The following LAMC1 variants were observed in gnomAD, a reference collection of about 807,000 sequenced individuals.
LAMC1 encodes the protein laminin subunit gamma 1.
A neutral mutation model predicts 173.6 loss-of-function variants in LAMC1; 38 were observed. The observed-to-expected ratio is 0.22, with a 90% CI of 0.17 to 0.29. The LOEUF (loss-of-function observed/expected upper bound fraction) is 0.29. LAMC1 is among the 10% of genes least tolerant of loss of function. The pLI, the probability that LAMC1 is intolerant of heterozygous loss-of-function variation, is 1.00. For synonymous variants in LAMC1, 746 were observed against 749.1 expected, an observed-to-expected ratio of 1.00 and a Z score of 0.07; for missense variants, 1,824 against 2,051.8, an observed-to-expected ratio of 0.89 and a Z score of 2.14.
At chr1:183,024,215 T>C in intron 1 of LAMC1, 81 bp downstream of exon 1, 4 of 1,389,188 alleles carry the variant, frequency 2.9e-6, no homozygotes, top group South Asian at 1.5e-5. Flanking sequence ...GTGGCCGGCC[T>C]CACGGGCGCA....
chr1:183,074,651 A>C (rs1655084261), intron 1 of LAMC1, among the ~76,000 whole-genome samples: 1 of 152,212 alleles, frequency 6.6e-6, no homozygotes, highest in Non-Finnish European at 1.5e-5. Context: ...GAAGAGCTAG[A>C]CCTTTTCTCT....
rs554361817 is a variant in LAMC1 at position 183,051,564 on chromosome 1, AG to A, written c.418+27431del. ...GTTGTTTTAAGCCACTGAGCTTTGG[AG>A]TAGCTTGTTGTGCAGCAGTAGATAA... On this transcript the variant is annotated intron_variant, in intron 1 of 27. Coordinates refer to ENST00000258341, the MANE Select transcript of LAMC1 (RefSeq NM_002293.4). Among the ~76,000 whole-genome samples the A allele has an allele frequency of 8.5e-5, 13 of 152,330 alleles. No homozygotes were observed. The East Asian group carries it at 2.5e-3, about 29-fold the overall frequency.
chr1:183,043,824 A>G (rs772327661), intron 1 of LAMC1, among the ~76,000 whole-genome samples: 1 of 152,210 alleles, frequency 6.6e-6, no homozygotes, highest in Non-Finnish European at 1.5e-5. Flanking sequence ...TTTTAATGAC[A>G]TTACTACCAT....
In LAMC1 at chr1:183,134,826, G is replaced by A. The variant is rs371546712; in HGVS notation, c.3999+17G>A. 4 of 1,607,820 alleles carry A rather than the reference G, an allele frequency of 2.5e-6. No homozygotes were observed. In the African/African-American group the frequency reaches 4.0e-5, roughly 16 times the overall value. On this transcript the variant is annotated intron_variant, in intron 23 of 27. Transcript: ENST00000258341. ...GAACAGCAGGTTGGTTTGATTTGCA[G>A]GTCGCTTCATTTCTTGAGGCAACAT...
At chr1:183,027,361 T>C (rs1653717285) in intron 1 of LAMC1, among the ~76,000 whole-genome samples, 1 of 152,200 alleles carries the variant, frequency 6.6e-6, no homozygotes, top group Non-Finnish European at 1.5e-5. Context: ...TTAAAAAGTT[T>C]GGGTTTTATG....
intron 25 of LAMC1, among the ~76,000 whole-genome samples, chr1:183,137,167 T>C (rs917211745): frequency 6.6e-6 from 1 of 152,226 alleles, no homozygotes; most frequent in African/African-American, 2.4e-5. Context: ...CAGAGAAACC[T>C]CTTAGTTTCC....
At chr1:183,045,072 G>A (rs1006454214) in intron 1 of LAMC1, among the ~76,000 whole-genome samples, 1 of 151,288 alleles carries the variant, frequency 6.6e-6, no homozygotes, top group Non-Finnish European at 1.5e-5. Flanking sequence ...TGTCACCTAG[G>A]CTAATAATTA....
chr1:183,127,335 C>T lies in LAMC1; in HGVS notation c.3054C>T (p.Asn1018=). ...VGNRCDQCEE[N]YFYNRSWPGC... is the part of the protein sequence containing the mutation. ...ATCGCTGTGACCAGTGTGAAGAAAA[C>T]TATTTCTACAATCGGTCTTGGCCTG... Residue 1018 remains asparagine (N), a synonymous_variant, in exon 17 of 28, where the codon AAC becomes AAT. Transcript: ENST00000258341. 1 of 1,614,112 alleles carries T rather than the reference C, an allele frequency of 6.2e-7. No individual in the cohort carries two copies. Among genetic ancestry groups the T allele is most frequent in the Non-Finnish European group, 8.5e-7 (1 of 1,179,982 alleles).
chr1:183,091,250 A>C (rs1407603338), intron 1 of LAMC1, among the ~76,000 whole-genome samples: 1 of 152,140 alleles, frequency 6.6e-6, no homozygotes, highest in Non-Finnish European at 1.5e-5. Flanking sequence ...TCTGGATTGG[A>C]GTGGGTCACC....
intron 1 of LAMC1, among the ~76,000 whole-genome samples, chr1:183,078,311 G>T (rs554317490): frequency 6.6e-6 from 1 of 152,154 alleles, no homozygotes; most frequent in African/African-American, 2.4e-5. Context: ...GGTCAGGCGC[G>T]GTGGCTCATG....
At position 183,024,576 on chromosome 1, in the gene LAMC1, G is replaced by A. The variant is rs551460652; in HGVS notation, c.418+442G>A. ...TTAAAATGTTTAGATGTCCTTCCAG[G>A]GCTGAGGGTGATTGCTCTGTTGAGT... is the stretch of plus-strand genomic sequence containing the variant. On this transcript the variant is annotated intron_variant, in intron 1 of 27. Coordinates refer to ENST00000258341, the MANE Select transcript of LAMC1 (RefSeq NM_002293.4). Among the ~76,000 whole-genome samples, 4 of 152,318 alleles carry A rather than the reference G, an allele frequency of 2.6e-5. No individual in the cohort carries two copies. In the East Asian group the frequency reaches 7.7e-4, roughly 29 times the overall value.
intron 1 of LAMC1, among the ~76,000 whole-genome samples, chr1:183,049,073 A>G (rs1460085313): frequency 1.3e-5 from 2 of 152,180 alleles, no homozygotes; most frequent in African/African-American, 4.8e-5. Flanking sequence ...ATGTTTGCTG[A>G]TATTTCTAGT....
intron 26 of LAMC1, among the ~76,000 whole-genome samples, chr1:183,139,591 ATT>A (rs1352623925): frequency 6.6e-6 from 1 of 152,158 alleles, no homozygotes; most frequent in Non-Finnish European, 1.5e-5. Flanking sequence ...AAATCTTCAC[ATT>A]GTTTTGATCC....
At chr1:183,072,627 C>T (rs902579933) in intron 1 of LAMC1, among the ~76,000 whole-genome samples, 2 of 152,180 alleles carry the variant, frequency 1.3e-5, no homozygotes, top group Non-Finnish European at 2.9e-5. Context: ...AACCCCTGGG[C>T]CACGAACCGG....
intron 1 of LAMC1, among the ~76,000 whole-genome samples, chr1:183,065,170 A>G (rs985736356): frequency 2.0e-5 from 3 of 152,226 alleles, no homozygotes; most frequent in Non-Finnish European, 2.9e-5. Context: ...AAGATAGGAA[A>G]AGGTACGGTA....
Position 183,126,174 on chromosome 1 carries a change from C to T in LAMC1, c.2856C>T (p.Gly952=), listed in dbSNP as rs1288832044. 6.2e-7 allele frequency: 1 copy of T among 1,614,192 alleles called. No individual in the cohort carries two copies. The highest frequency in any genetic ancestry group is 1.1e-5 in the South Asian group (1 of 91,084). The change falls in exon 16 of 28, where the codon GGC becomes GGT. Residue 952 remains glycine, a synonymous_variant. Transcript: ENST00000258341. Reference sequence around the variant, plus strand: ...ATGGGCAGTGTGACATCCGCACCGGCCAGTGTGAGTGCCAGCCCGGCATCA... The same window carrying T: ...ATGGGCAGTGTGACATCCGCACCGGTCAGTGTGAGTGCCAGCCCGGCATCA... ...STNGQCDIRT[G]QCECQPGITG...
In LAMC1 at chr1:183,110,655, G is replaced by A. The variant is rs112972320; in HGVS notation, c.1021+1G>A. On this transcript the variant is annotated splice_donor_variant, in intron 4 of 27. Transcript: ENST00000258341. LOFTEE classifies it high-confidence loss of function. ...GCGGAAAGTGCCAGTGAATGCCTGC[G>A]TGAGTGCCCCATGACGTCAGTCTGT... The A allele has an allele frequency of 1.2e-6, 2 of 1,613,432 alleles. No individual in the cohort carries two copies. Among genetic ancestry groups the A allele is most frequent in the African/African-American group, 1.3e-5 (1 of 75,026 alleles).
rs1013718650 is a variant in LAMC1, at chr1:183,142,866, A to T, written c.*76A>T. The T allele has an allele frequency of 1.4e-6, 2 of 1,474,246 alleles. No individual in the cohort carries two copies. Among genetic ancestry groups the T allele is most frequent in the African/African-American group, 2.8e-5 (2 of 70,892 alleles). The allele number at this position is 1,474,246 out of a possible 1,614,324, so 91.3% of individuals were successfully genotyped here. ...GGCCACAGAGTGCCTTGACACAAAGATTACATTTTTCAGACCCCCACTCCT... is the reference window on the plus strand; with the variant it reads ...GGCCACAGAGTGCCTTGACACAAAGTTTACATTTTTCAGACCCCCACTCCT... On this transcript the variant is annotated 3_prime_UTR_variant, in exon 28 of 28. Transcript: ENST00000258341.
intron 1 of LAMC1, among the ~76,000 whole-genome samples, chr1:183,074,753 A>G (rs952801956): frequency 1.3e-5 from 2 of 152,188 alleles, no homozygotes; most frequent in Middle Eastern, 3.2e-3. Flanking sequence ...TTTAATCCCC[A>G]ATCTTACTGT....
Sources: gnomAD v4.1 joint callset for allele counts (sites outside exome capture counted in the v4.1 genomes callset) on GRCh38, gnomAD v4.1.1 for gene constraint, MANE v1.5 for transcripts, NCBI Gene and HGNC (gene_info 2026-07-23, HGNC 2026-07-21) for gene names.